The following ESRRB variants were observed in gnomAD, a reference collection of about 807,000 sequenced individuals.
ESRRB encodes the protein steroid hormone receptor ERR2.
Under a neutral mutation model 46.0 loss-of-function variants are expected in ESRRB, and 16 were observed. That is an observed-to-expected ratio of 0.35 (90% CI 0.24 to 0.53). The LOEUF (loss-of-function observed/expected upper bound fraction) is 0.53. Among genes scored for constraint, ESRRB ranks in the 20% least tolerant of loss-of-function variants. The pLI is 0.93. For synonymous variants in ESRRB, 246 were observed against 259.6 expected, an observed-to-expected ratio of 0.95 and a Z score of 0.50; for missense variants, 488 against 607.4, an observed-to-expected ratio of 0.80 and a Z score of 2.07.
At chr14:76,448,556 G>C (rs896933461) in intron 2 of ESRRB, among the ~76,000 whole-genome samples, 1 of 150,536 alleles carries the variant, frequency 6.6e-6, no homozygotes, top group Non-Finnish European at 1.5e-5. Flanking sequence ...GACTGCTCTC[G>C]AACTCCTGGT....
rs1488341800 is a variant in ESRRB, at chr14:76,499,015, C to G, written c.*557C>G. On this transcript the variant is annotated 3_prime_UTR_variant, in exon 7 of 7. Coordinates refer to ENST00000644823, the MANE Select transcript of ESRRB (RefSeq NM_001379180.1). The stretch of plus-strand genomic sequence containing the variant: ...CATACCTTCCACAGTTTCCACTCAG[C>G]TTTCAGCCAGGGGGTACCCACAGGA... 3 of 362,616 alleles carry G rather than the reference C, an allele frequency of 8.3e-6. No individual in the cohort carries two copies. The highest frequency in any genetic ancestry group is 1.7e-5 in the Non-Finnish European group (3 of 177,286). The allele number at this position is 362,616 out of a possible 1,614,324, so 22.5% of individuals were successfully genotyped here.
chr14:76,344,774 C>T (rs1159856017), intron 1 of ESRRB, among the ~76,000 whole-genome samples: 6 of 151,418 alleles, frequency 4.0e-5, no homozygotes, highest in African/African-American at 1.5e-4. Context: ...ATGGTGTGAA[C>T]CTAGGAGGCG....
At chr14:76,445,581 A>T (rs1270444040) in intron 2 of ESRRB, among the ~76,000 whole-genome samples, 1 of 152,016 alleles carries the variant, frequency 6.6e-6, no homozygotes, top group East Asian at 1.9e-4. Flanking sequence ...CTTCTGCGCA[A>T]TCCAATGGTT....
rs566214868 is a variant in ESRRB at position 76,464,136 on chromosome 14, C to T, written c.577+1475C>T. On this transcript the variant is annotated intron_variant, in intron 3 of 6. Coordinates refer to ENST00000644823, the MANE Select transcript of ESRRB (RefSeq NM_001379180.1). Reference sequence around the variant, plus strand: ...AGAGATCAACTTTTAAGCTCCGGGCCTGGAATCCTTCTAGAAGTGGGAGGA... The same window carrying T: ...AGAGATCAACTTTTAAGCTCCGGGCTTGGAATCCTTCTAGAAGTGGGAGGA... 9.8e-5 allele frequency among the ~76,000 whole-genome samples: 15 copies of T among 152,296 alleles called. No homozygotes were observed. The South Asian group carries it at 3.1e-3, about 32-fold the overall frequency.
intron 5 of ESRRB, among the ~76,000 whole-genome samples, chr14:76,490,560 T>C (rs879153179): frequency 2.6e-5 from 4 of 152,200 alleles, no homozygotes; most frequent in Admixed American, 2.6e-4. Flanking sequence ...TTTGGAGAAG[T>C]TGCATGGTTT....
intron 1 of ESRRB, among the ~76,000 whole-genome samples, chr14:76,318,835 C>A (rs1883832717): frequency 6.6e-6 from 1 of 152,328 alleles, no homozygotes; most frequent in South Asian, 2.1e-4. Flanking sequence ...CTCCCAGAGT[C>A]CCCCGGACAG....
At chr14:76,410,748 G>A (rs1566882759) in intron 1 of ESRRB, among the ~76,000 whole-genome samples, 2 of 151,844 alleles carry the variant, frequency 1.3e-5, no homozygotes, top group African/African-American at 4.8e-5. Flanking sequence ...AAATATTTGA[G>A]TTTTTACTTC....
chr14:76,315,260 A>G (rs1402383743), intron 1 of ESRRB, among the ~76,000 whole-genome samples: 1 of 109,872 alleles, frequency 9.1e-6, no homozygotes, highest in Non-Finnish European at 1.9e-5. Context: ...CCATGACTGC[A>G]TTCACCCCCT....
chr14:76,390,904 G>A (rs79725250), intron 1 of ESRRB, among the ~76,000 whole-genome samples: 3,231 of 152,330 alleles, frequency 0.021, 56 homozygotes, highest in East Asian at 0.09. Flanking sequence ...GGTGAGGTCA[G>A]GAGAGGAATG....
intron 1 of ESRRB, among the ~76,000 whole-genome samples, chr14:76,361,986 G>A (rs1272197450): frequency 2.6e-5 from 4 of 152,182 alleles, no homozygotes; most frequent in South Asian, 2.1e-4. Context: ...GGTCAGCCAC[G>A]GGTTAATGCC....
At chr14:76,336,562 C>G (rs1175047637) in intron 1 of ESRRB, among the ~76,000 whole-genome samples, 1 of 152,198 alleles carries the variant, frequency 6.6e-6, no homozygotes, top group African/African-American at 2.4e-5. Flanking sequence ...CTCTTCATGG[C>G]TGGGACCTCC....
intron 2 of ESRRB, among the ~76,000 whole-genome samples, chr14:76,440,723 TTCTCTCTC>T (rs558753089): frequency 2.7e-5 from 4 of 149,990 alleles, no homozygotes; most frequent in South Asian, 2.1e-4. Context: ...CTCTCTCTCT[TTCTCTCTC>T]TCTCTCTCTT....
In ESRRB at chr14:76,493,224, G is replaced by A. The variant is rs540209159; in HGVS notation, c.1120+1508G>A. ...GGCTGGCGTGCAGCGATGCAATCTC[G>A]GCTCACTGCAACCTCTGCCTCCCGG... On this transcript the variant is annotated intron_variant, in intron 6 of 6. Transcript: ENST00000644823. 3.3e-5 allele frequency among the ~76,000 whole-genome samples: 5 copies of A among 152,126 alleles called. No homozygotes were observed. In the South Asian group the frequency reaches 8.3e-4, roughly 25 times the overall value.
At chr14:76,343,643 C>A (rs1233629259) in intron 1 of ESRRB, among the ~76,000 whole-genome samples, 1 of 152,214 alleles carries the variant, frequency 6.6e-6, no homozygotes, top group Non-Finnish European at 1.5e-5. Flanking sequence ...TCCACGTGGG[C>A]CCCTCCACGG....
rs369124847 is a variant in ESRRB, at chr14:76,452,564, G to A, written c.461-9981G>A. On this transcript the variant is annotated intron_variant, in intron 2 of 6. Coordinates refer to ENST00000644823, the MANE Select transcript of ESRRB (RefSeq NM_001379180.1). ...GAACCTGGGAGGCAGAGGTTGTAGT[G>A]AGCCGAGATCAGGCCATTGCACTCC... Among the ~76,000 whole-genome samples the A allele has an allele frequency of 6.7e-5, 10 of 150,272 alleles. No homozygotes were observed. The East Asian group carries it at 1.4e-3, about 21-fold the overall frequency.
At chr14:76,476,114 T>TAC (rs1889574913) in intron 3 of ESRRB, among the ~76,000 whole-genome samples, 6 of 152,106 alleles carry the variant, frequency 3.9e-5, no homozygotes, top group Non-Finnish European at 5.9e-5. Context: ...TCTCACTCTG[T>TAC]TGCCCAGGCT....
intron 1 of ESRRB, among the ~76,000 whole-genome samples, chr14:76,349,368 A>G (rs1470417451): frequency 6.6e-6 from 1 of 152,216 alleles, no homozygotes; most frequent in Non-Finnish European, 1.5e-5. Flanking sequence ...CTCAATCTAC[A>G]TTCTGTACGC....
At chr14:76,481,243 G>A (rs1057078077) in intron 3 of ESRRB, among the ~76,000 whole-genome samples, 1 of 152,220 alleles carries the variant, frequency 6.6e-6, no homozygotes, top group African/African-American at 2.4e-5. Context: ...TGCTGGTGGG[G>A]GGCATGAAAT....
intron 1 of ESRRB, among the ~76,000 whole-genome samples, chr14:76,387,023 C>A (rs1289427607): frequency 6.6e-6 from 1 of 152,136 alleles, no homozygotes; most frequent in Non-Finnish European, 1.5e-5. Context: ...TTGCCCCACC[C>A]TGGAGGCCAA....
Sources: allele counts gnomAD v4.1 joint callset (sites outside exome capture counted in the v4.1 genomes callset), GRCh38; gene constraint gnomAD v4.1.1; transcripts MANE v1.5; gene names NCBI Gene and HGNC (gene_info 2026-07-23, HGNC 2026-07-21).